TAF3: variants seen among roughly 807,000 people sequenced by gnomAD.
TAF3 encodes the protein transcription initiation factor TFIID subunit 3.
TAF3 carries 7 observed loss-of-function variants against 80.6 expected under a neutral mutation model. The observed-to-expected ratio is 0.09, with a 90% CI of 0.05 to 0.16. The LOEUF is 0.16. Ranked by LOEUF, TAF3 falls within the 10% of genes least tolerant of loss-of-function variation. The probability of loss-of-function intolerance (pLI) is 1.00; values close to 1 mark genes in which losing one functional copy is unlikely to be tolerated. For synonymous variants in TAF3, 444 were observed against 446.1 expected (o/e 1.00, Z 0.06); for missense variants, 921 against 1,140.2 (o/e 0.81, Z 2.77).
intron 2 of TAF3, among the ~76,000 whole-genome samples, chr10:7,929,688 T>G (rs1837850555): frequency 6.6e-6 from 1 of 152,210 alleles, no homozygotes; most frequent in African/African-American, 2.4e-5. Context: ...ATGTTCACAT[T>G]GCTTATCTGT....
At chr10:7,979,099 C>G (rs188034915) in intron 4 of TAF3, among the ~76,000 whole-genome samples, 1 of 151,956 alleles carries the variant, frequency 6.6e-6, no homozygotes, top group Non-Finnish European at 1.5e-5. Context: ...AATCCCAGCA[C>G]TTTGGGAGGC....
chr10:7,978,897 C>T (rs375432008), intron 4 of TAF3, among the ~76,000 whole-genome samples: 4 of 152,172 alleles, frequency 2.6e-5, no homozygotes, highest in African/African-American at 9.7e-5. Flanking sequence ...ATTGAAAAGC[C>T]AGGTATGGTA....
At chr10:7,949,885 G>A (rs2062241739) in intron 2 of TAF3, among the ~76,000 whole-genome samples, 1 of 152,220 alleles carries the variant, frequency 6.6e-6, no homozygotes, top group Admixed American at 6.5e-5. Context: ...TCGGCAGGCA[G>A]TGACTGCGCA....
rs758652532 is a variant in TAF3 at position 7,965,361 on chromosome 10, A to G, written c.1851A>G (p.Lys617=). The part of the protein sequence containing the change: ...GLVRKEKEKH[K]DKKKDREKGK... The stretch of plus-strand genomic sequence containing the variant: ...TGAGGAAGGAGAAAGAGAAGCATAA[A>G]GATAAGAAGAAAGATAGAGAGAAAG... Residue 617 remains lysine, a synonymous_variant, in exon 3 of 7, where the codon AAA becomes AAG. Coordinates refer to ENST00000344293, the MANE Select transcript of TAF3 (RefSeq NM_031923.4). The G allele has an allele frequency of 7.5e-6, 12 of 1,604,536 alleles. No homozygotes were observed. In the South Asian group the frequency reaches 1.4e-4, roughly 18 times the overall value.
chr10:7,880,110 G>A (rs1367445019), intron 2 of TAF3, among the ~76,000 whole-genome samples: 1 of 152,070 alleles, frequency 6.6e-6, no homozygotes, highest in Non-Finnish European at 1.5e-5. Context: ...TTGGTGGCAT[G>A]CACCTGTAAT....
intron 1 of TAF3, among the ~76,000 whole-genome samples, chr10:7,819,233 G>C (rs1363315042): frequency 1.3e-5 from 2 of 151,900 alleles, no homozygotes; most frequent in Non-Finnish European, 2.9e-5. Context: ...CTTTTACCTC[G>C]GTCCTTTTTC....
chr10:8,008,771 A>G (rs1009673679), intron 4 of TAF3, among the ~76,000 whole-genome samples: 11 of 152,222 alleles, frequency 7.2e-5, no homozygotes, highest in Non-Finnish European at 1.5e-4. Context: ...TGAAGCCGTC[A>G]GAGCTTCTGC....
intron 4 of TAF3, among the ~76,000 whole-genome samples, chr10:7,984,510 G>T (rs996126747): frequency 1.3e-4 from 20 of 152,136 alleles, no homozygotes; most frequent in Non-Finnish European, 2.5e-4. Context: ...TGAATAAAAG[G>T]TCAGCTAGTA....
intron 4 of TAF3, among the ~76,000 whole-genome samples, chr10:7,998,241 C>CTATATATATATATATATATATGTATATA (rs1831907586): frequency 2.2e-5 from 3 of 134,430 alleles, no homozygotes; most frequent in South Asian, 4.8e-4. Context: ...TGAGTGAGAA[C>CTATATATATATATATATATATGTATATA]TATATATATA....
At chr10:7,959,446 G>T (rs1838168743) in intron 2 of TAF3, among the ~76,000 whole-genome samples, 1 of 152,058 alleles carries the variant, frequency 6.6e-6, no homozygotes, top group African/African-American at 2.4e-5. Flanking sequence ...GCAGTATTAA[G>T]TAACATAAAG....
chr10:7,982,797 G>T (rs1284635385), intron 4 of TAF3, among the ~76,000 whole-genome samples: 1 of 152,192 alleles, frequency 6.6e-6, no homozygotes, highest in Admixed American at 6.5e-5. Context: ...GGGAGCAGAT[G>T]ACAAAGATGG....
intron 2 of TAF3, among the ~76,000 whole-genome samples, chr10:7,842,151 G>GTTTTTTTTTTTGTTTTTTTTTT (rs1836921526): frequency 1.0e-5 from 1 of 98,748 alleles, no homozygotes. Context: ...AATTAATATT[G>GTTTTTTTTTTTGTTTTTTTTTT]TTTTTTTTTT....
intron 3 of TAF3, among the ~76,000 whole-genome samples, chr10:7,968,278 C>T (rs1167621179): frequency 6.6e-6 from 1 of 152,194 alleles, no homozygotes; most frequent in East Asian, 1.9e-4. Context: ...TTCTCATCAT[C>T]CTGACCAAGA....
At chr10:7,939,374 A>G (rs1299206452) in intron 2 of TAF3, among the ~76,000 whole-genome samples, 1 of 152,148 alleles carries the variant, frequency 6.6e-6, no homozygotes, top group Non-Finnish European at 1.5e-5. Flanking sequence ...CCCAGGGAAA[A>G]TACATACTGA....
intron 3 of TAF3, among the ~76,000 whole-genome samples, chr10:7,971,758 A>G (rs1831625217): frequency 6.6e-6 from 1 of 152,140 alleles, no homozygotes. Context: ...GGTGTCCTGG[A>G]AAAATGGAGA....
At chr10:7,946,991 G>A (rs573775940) in intron 2 of TAF3, among the ~76,000 whole-genome samples, 1 of 152,240 alleles carries the variant, frequency 6.6e-6, no homozygotes, top group Non-Finnish European at 1.5e-5. Flanking sequence ...GGAACTCCTG[G>A]CCTTAAGAGA....
rs557185323 is a variant in TAF3 at position 7,954,097 on chromosome 10, G to C, written c.410-9823G>C. On this transcript the variant is annotated intron_variant, in intron 2 of 6. Transcript: ENST00000344293. ...AGTTAACATGAGCTCTCCATAGTGA[G>C]ATTTAGAGTGCACTCCATAGGTGAA... 8.1e-5 allele frequency among the ~76,000 whole-genome samples: 11 copies of C among 135,074 alleles called. 1 individual carries two copies. Among genetic ancestry groups the C allele is most frequent in the Admixed American group, 7.6e-4 (10 of 13,166 alleles). The allele number at this position is 135,074 out of a possible 152,430, so 88.6% of individuals were successfully genotyped here.
chr10:8,014,546 A>G (rs41306824), intron 6 of TAF3, 91 bp from the exon 7 acceptor site: 1 of 1,144,146 alleles, frequency 8.7e-7, no homozygotes, highest in Non-Finnish European at 1.2e-6. Context: ...TAAACATGTC[A>G]TAGACTCTAA....
At chr10:7,885,107 C>T (rs1009277292) in intron 2 of TAF3, among the ~76,000 whole-genome samples, 2 of 151,680 alleles carry the variant, frequency 1.3e-5, no homozygotes, top group Non-Finnish European at 2.9e-5. Context: ...TGCTTAGTGG[C>T]TACAGAGTGT....
Sources: gnomAD v4.1 joint callset for allele counts (sites outside exome capture counted in the v4.1 genomes callset) on GRCh38, gnomAD v4.1.1 for gene constraint, MANE v1.5 for transcripts, NCBI Gene and HGNC (gene_info 2026-07-23, HGNC 2026-07-21) for gene names.